Variants in DOK6 observed in about 807,000 individuals in gnomAD.
DOK6 encodes downstream of tyrosine kinase 6.
A neutral mutation model predicts 44.0 loss-of-function variants in DOK6; 22 were observed. That is an observed-to-expected ratio of 0.50 (90% CI 0.36 to 0.71). The LOEUF is 0.71. Among genes scored for constraint, DOK6 ranks in the 30% least tolerant of loss-of-function variants. The pLI, the probability that DOK6 is intolerant of heterozygous loss-of-function variation, is 0.00. For synonymous variants in DOK6, 166 were observed against 145.5 expected, an observed-to-expected ratio of 1.14 and a Z score of -1.01; for missense variants, 340 against 416.4, an observed-to-expected ratio of 0.82 and a Z score of 1.60.
chr18:69,402,104 C>T lies in DOK6; in HGVS notation c.66+794C>T, dbSNP rs150770662. On this transcript the variant is annotated intron_variant, in intron 1 of 7. Transcript: ENST00000382713. ...GGGCTGTCACCTGGGCGGGAGCAGC[C>T]TAGACTTGGGACGCGAGAGAGAGGA... Among the ~76,000 whole-genome samples, 267 of 152,212 alleles carry T rather than the reference C, an allele frequency of 1.8e-3. 3 individuals carry two copies. The East Asian group carries it at 0.037, about 21-fold the overall frequency.
At chr18:69,601,132 T>C (rs947082144) in intron 3 of DOK6, among the ~76,000 whole-genome samples, 4 of 152,172 alleles carry the variant, frequency 2.6e-5, no homozygotes, top group African/African-American at 9.6e-5. Context: ...TTAGAGAAAA[T>C]ACATATTCCT....
intron 1 of DOK6, among the ~76,000 whole-genome samples, chr18:69,496,381 C>CG (rs904130912): frequency 6.6e-6 from 1 of 152,252 alleles, no homozygotes; most frequent in Non-Finnish European, 1.5e-5. Flanking sequence ...CCACTTGTCC[C>CG]GGCTACCACC....
chr18:69,524,533 C>T (rs1228712340), intron 1 of DOK6, among the ~76,000 whole-genome samples: 1 of 151,768 alleles, frequency 6.6e-6, no homozygotes, highest in Admixed American at 6.6e-5. Context: ...TTTTAGTTGG[C>T]TAAATAGGTT....
chr18:69,512,021 C>T (rs576116920), intron 1 of DOK6, among the ~76,000 whole-genome samples: 89 of 152,242 alleles, frequency 5.8e-4, no homozygotes, highest in Non-Finnish European at 1.1e-3. Flanking sequence ...CCCTGACGAT[C>T]ACAATAATGG....
At chr18:69,632,903 C>A (rs1268446284) in intron 3 of DOK6, among the ~76,000 whole-genome samples, 1 of 152,170 alleles carries the variant, frequency 6.6e-6, no homozygotes, top group Admixed American at 6.5e-5. Context: ...TTGTAAGACA[C>A]AAGTACTCAT....
At chr18:69,665,070 A>G (rs1985621730) in intron 3 of DOK6, among the ~76,000 whole-genome samples, 1 of 151,916 alleles carries the variant, frequency 6.6e-6, no homozygotes, top group Non-Finnish European at 1.5e-5. Flanking sequence ...AGTCCCAGCT[A>G]CTCCAGAGGC....
intron 2 of DOK6, among the ~76,000 whole-genome samples, chr18:69,585,655 C>T (rs922667222): frequency 6.6e-6 from 1 of 152,074 alleles, no homozygotes; most frequent in African/African-American, 2.4e-5. Flanking sequence ...ATTTACTGGA[C>T]AAAAGTCATG....
chr18:69,463,561 T>C (rs1215625806), intron 1 of DOK6, among the ~76,000 whole-genome samples: 1 of 152,154 alleles, frequency 6.6e-6, no homozygotes, highest in Non-Finnish European at 1.5e-5. Flanking sequence ...GCTAACTCAT[T>C]TCTGAGTAAG....
At chr18:69,664,528 GA>G in intron 3 of DOK6, among the ~76,000 whole-genome samples, 1 of 151,968 alleles carries the variant, frequency 6.6e-6, no homozygotes, top group South Asian at 2.1e-4. Context: ...AGACTAGAAG[GA>G]AAAAAATAAT....
intron 3 of DOK6, among the ~76,000 whole-genome samples, chr18:69,608,212 T>G (rs1416976775): frequency 1.3e-5 from 2 of 152,228 alleles, no homozygotes; most frequent in African/African-American, 2.4e-5. Flanking sequence ...GGGTCCAATT[T>G]CATTATTTTC....
chr18:69,832,619 G>A (rs140879810), intron 7 of DOK6: 7 of 151,944 alleles, frequency 4.6e-5, no homozygotes, highest in African/African-American at 1.7e-4. Flanking sequence ...GATAGGCAAA[G>A]GTTGGCAGTG....
At position 69,615,218 on chromosome 18, in the gene DOK6, G is replaced by A. The variant is rs141341689; in HGVS notation, c.289+15720G>A. 1.5e-3 allele frequency among the ~76,000 whole-genome samples: 223 copies of A among 152,300 alleles called. 1 individual carries two copies. Among genetic ancestry groups the A allele is most frequent in the African/African-American group, 5.1e-3 (211 of 41,564 alleles). ...TTATTGCATTTAAGAAGCCAACTTAGGGTATGACATTAGAAAAATTATTCA... is the reference window on the plus strand; with the variant it reads ...TTATTGCATTTAAGAAGCCAACTTAAGGTATGACATTAGAAAAATTATTCA... On this transcript the variant is annotated intron_variant, in intron 3 of 7. Coordinates refer to ENST00000382713, the MANE Select transcript of DOK6 (RefSeq NM_152721.6).
chr18:69,767,199 T>C (rs1979744310), intron 7 of DOK6, among the ~76,000 whole-genome samples: 1 of 152,042 alleles, frequency 6.6e-6, no homozygotes, highest in East Asian at 1.9e-4. Context: ...ACCACTGCAC[T>C]CCAGCCTGGG....
intron 1 of DOK6, among the ~76,000 whole-genome samples, chr18:69,502,201 A>C (rs925420977): frequency 2.0e-5 from 3 of 152,142 alleles, no homozygotes; most frequent in African/African-American, 7.2e-5. Context: ...AATATCATTT[A>C]TCATAGAAGT....
chr18:69,448,084 G>A, intron 1 of DOK6, among the ~76,000 whole-genome samples: 1 of 152,190 alleles, frequency 6.6e-6, no homozygotes, highest in East Asian at 1.9e-4. Context: ...GAAGGAGTGT[G>A]GTCTGCTGCT....
intron 5 of DOK6, among the ~76,000 whole-genome samples, chr18:69,725,755 G>A (rs942029632): frequency 3.3e-5 from 5 of 152,130 alleles, no homozygotes; most frequent in African/African-American, 7.2e-5. Context: ...CCAAAGTGCC[G>A]GGATTACACG....
intron 3 of DOK6, among the ~76,000 whole-genome samples, chr18:69,645,597 G>T (rs1985051390): frequency 6.6e-6 from 1 of 151,892 alleles, no homozygotes; most frequent in Non-Finnish European, 1.5e-5. Flanking sequence ...GACATAGTGT[G>T]AAAAACAGCT....
chr18:69,782,848 T>C (rs562598403), intron 7 of DOK6, among the ~76,000 whole-genome samples: 28 of 152,300 alleles, frequency 1.8e-4, no homozygotes, highest in Admixed American at 1.5e-3. Context: ...AAACACAAGC[T>C]TGCTATTCAC....
chr18:69,711,615 C>T (rs4614832), intron 5 of DOK6, among the ~76,000 whole-genome samples: 13,622 of 152,130 alleles, frequency 0.09, 695 homozygotes, highest in Admixed American at 0.14. Context: ...CTGAACAATC[C>T]ATTTTCCTTT....
Sources: gnomAD v4.1 joint callset for allele counts (sites outside exome capture counted in the v4.1 genomes callset) on GRCh38, gnomAD v4.1.1 for gene constraint, MANE v1.5 for transcripts, NCBI Gene and HGNC (gene_info 2026-07-23, HGNC 2026-07-21) for gene names.